The following PCDH9 variants were observed in gnomAD, a reference collection of about 807,000 sequenced individuals.
PCDH9 encodes protocadherin-9.
Under a neutral mutation model 70.6 loss-of-function variants are expected in PCDH9, and 24 were observed. That is an observed-to-expected ratio of 0.34 (90% confidence interval 0.25 to 0.48). PCDH9 has a LOEUF of 0.48. PCDH9 is among the 20% of genes least tolerant of loss of function. The pLI, the probability that PCDH9 is intolerant of heterozygous loss-of-function variation, is 0.99. For synonymous variants in PCDH9, 562 were observed against 558.5 expected (o/e 1.01, Z -0.09); for missense variants, 1,281 against 1,503.6 (o/e 0.85, Z 2.45).
chr13:66,746,241 A>G (rs972931421), intron 3 of PCDH9, among the ~76,000 whole-genome samples: 4 of 152,240 alleles, frequency 2.6e-5, no homozygotes, highest in African/African-American at 7.2e-5. Flanking sequence ...TAATAAAAAG[A>G]ATAAAAAGAA....
chr13:66,844,229 A>G (rs1329920216), intron 3 of PCDH9, among the ~76,000 whole-genome samples: 1 of 152,182 alleles, frequency 6.6e-6, no homozygotes, highest in African/African-American at 2.4e-5. Context: ...AGCATGAATC[A>G]GTGGATAAAA....
chr13:66,752,472 T>A (rs1331038014), intron 3 of PCDH9, among the ~76,000 whole-genome samples: 1 of 152,140 alleles, frequency 6.6e-6, no homozygotes, highest in Non-Finnish European at 1.5e-5. Context: ...GTTTTTTGTA[T>A]TTTTTGTAGA....
At chr13:66,861,806 G>A (rs552429444) in intron 3 of PCDH9, among the ~76,000 whole-genome samples, 4 of 152,210 alleles carry the variant, frequency 2.6e-5, no homozygotes, top group Non-Finnish European at 5.9e-5. Context: ...ATGAAATAGT[G>A]CCGACATTAT....
At chr13:66,632,365 TA>T (rs2077582902) in intron 3 of PCDH9, among the ~76,000 whole-genome samples, 1 of 152,216 alleles carries the variant, frequency 6.6e-6, no homozygotes, top group African/African-American at 2.4e-5. Flanking sequence ...TTGATATACA[TA>T]AAAAGAAGAC....
At position 66,849,509 on chromosome 13, in the gene PCDH9, T is replaced by TAGAGAG. The variant is rs71766427; in HGVS notation, c.3138+53994_3138+53995insCTCTCT. Among the ~76,000 whole-genome samples, 814 of 86,478 alleles carry TAGAGAG rather than the reference T, an allele frequency of 9.4e-3. 2 individuals carry two copies. The highest frequency in any genetic ancestry group is 0.016 in the Middle Eastern group (2 of 126). The allele number at this position is 86,478 out of a possible 152,430, so 56.7% of individuals were successfully genotyped here. ...AGGTATATATATATATATATATATA[T>TAGAGAG]ATATATATAGAGAGAGAGAGAGAGA... On this transcript the variant is annotated intron_variant, in intron 3 of 4. Transcript: ENST00000377865.
chr13:66,614,359 GT>G (rs2077330574), intron 4 of PCDH9, among the ~76,000 whole-genome samples: 1 of 152,156 alleles, frequency 6.6e-6, no homozygotes, highest in African/African-American at 2.4e-5. Context: ...GGTATTTATG[GT>G]TTTTCTTTAA....
At chr13:67,145,985 T>A (rs1328946163) in intron 2 of PCDH9, among the ~76,000 whole-genome samples, 1 of 152,108 alleles carries the variant, frequency 6.6e-6, no homozygotes, top group Non-Finnish European at 1.5e-5. Context: ...TTTTCTCAAC[T>A]TGCAAGGCAA....
At chr13:66,834,879 C>T (rs112331501) in intron 3 of PCDH9, among the ~76,000 whole-genome samples, 1,985 of 152,268 alleles carry the variant, frequency 0.013, 41 homozygotes, top group African/African-American at 0.046. Context: ...AACCTGGATG[C>T]TATGTTTAAG....
chr13:66,443,267 T>A, intron 4 of PCDH9, among the ~76,000 whole-genome samples: 1 of 152,170 alleles, frequency 6.6e-6, no homozygotes, highest in Admixed American at 6.5e-5. Flanking sequence ...GCTGAAAAAT[T>A]TTTAGTTAGT....
At chr13:66,727,630 T>C (rs1002671130) in intron 3 of PCDH9, among the ~76,000 whole-genome samples, 4 of 152,130 alleles carry the variant, frequency 2.6e-5, no homozygotes, top group South Asian at 2.1e-4. Flanking sequence ...GAGATAGATA[T>C]AGGCATAGAC....
At chr13:66,654,951 C>T (rs553055913) in intron 3 of PCDH9, among the ~76,000 whole-genome samples, 95 of 152,000 alleles carry the variant, frequency 6.3e-4, no homozygotes, top group Non-Finnish European at 9.4e-4. Context: ...GTCCCTAACT[C>T]CTAAGCTCAA....
At chr13:67,104,905 T>C (rs1566427583) in intron 2 of PCDH9, among the ~76,000 whole-genome samples, 1 of 152,150 alleles carries the variant, frequency 6.6e-6, no homozygotes, top group African/African-American at 2.4e-5. Flanking sequence ...ATCCTTAATC[T>C]CACTTTTAAA....
chr13:66,858,332 T>A (rs571865478), intron 3 of PCDH9, among the ~76,000 whole-genome samples: 1 of 152,312 alleles, frequency 6.6e-6, no homozygotes, highest in Admixed American at 6.5e-5. Context: ...CCTTATAAAC[T>A]TTGCTTAAAT....
Position 67,228,434 on chromosome 13 carries a change from G to T in PCDH9, c.7C>A (p.Leu3Met). Reference sequence around the variant, plus strand: ...GCAGCCAACAGGTAAAAATCCCTCAGGTCCATGATAATGTATTTATTTTCT... The same window carrying T: ...GCAGCCAACAGGTAAAAATCCCTCATGTCCATGATAATGTATTTATTTTCT... MDLRDFYLLAALI... is the reference protein window; with the variant it reads MDMRDFYLLAALI... The change falls in exon 2 of 5, where the codon CTG (leucine) becomes ATG (methionine). Residue 3 changes from leucine (L) to methionine (M), a missense_variant. By Grantham distance (15) the Leu-to-Met change is conservative. Around this residue, in one of 4 missense-constraint regions of PCDH9, gnomAD observed 798 missense variants for 1,003.1 expected, o/e 0.80. Coordinates refer to ENST00000377865, the MANE Select transcript of PCDH9 (RefSeq NM_203487.3). The T allele has an allele frequency of 6.4e-7, 1 of 1,564,080 alleles. No individual in the cohort carries two copies. The highest frequency in any genetic ancestry group is 8.6e-7 in the Non-Finnish European group (1 of 1,158,350).
chr13:66,783,062 G>A (rs553178523), intron 3 of PCDH9, among the ~76,000 whole-genome samples: 13 of 152,014 alleles, frequency 8.6e-5, no homozygotes, highest in African/African-American at 3.1e-4. Context: ...CTTGTTGAAG[G>A]TCTCAGTTGC....
At chr13:67,158,082 T>C (rs1459987365) in intron 2 of PCDH9, among the ~76,000 whole-genome samples, 2 of 152,236 alleles carry the variant, frequency 1.3e-5, no homozygotes, top group Non-Finnish European at 2.9e-5. Flanking sequence ...ATAATTAAAA[T>C]ACTTCTCTTT....
intron 2 of PCDH9, among the ~76,000 whole-genome samples, chr13:66,995,589 T>C (rs939638745): frequency 6.6e-6 from 1 of 152,222 alleles, no homozygotes; most frequent in African/African-American, 2.4e-5. Flanking sequence ...CATGTTTGTG[T>C]CAGTTCTACC....
At chr13:66,421,786 G>A (rs1256175903) in intron 4 of PCDH9, among the ~76,000 whole-genome samples, 1 of 152,120 alleles carries the variant, frequency 6.6e-6, no homozygotes, top group Non-Finnish European at 1.5e-5. Flanking sequence ...GCATCATAAC[G>A]ACAGGATCAA....
At chr13:67,166,228 T>G (rs2088113142) in intron 2 of PCDH9, among the ~76,000 whole-genome samples, 1 of 152,186 alleles carries the variant, frequency 6.6e-6, no homozygotes, top group Non-Finnish European at 1.5e-5. Flanking sequence ...AACACTTAGA[T>G]ACAATATATT....
Sources: gnomAD v4.1 joint callset for allele counts (sites outside exome capture counted in the v4.1 genomes callset) on GRCh38, gnomAD v4.1.1 for gene constraint, gnomAD v4.1.1 regional missense constraint, MANE v1.5 for transcripts, NCBI Gene and HGNC (gene_info 2026-07-23, HGNC 2026-07-21) for gene names.